Variants in ZC3H12B observed in about 807,000 individuals in gnomAD.
The protein encoded by ZC3H12B is zinc finger CCCH-type containing 12B.
Under a neutral mutation model 43.9 loss-of-function variants are expected in ZC3H12B, and 7 were observed. That is an observed-to-expected ratio of 0.16 (90% CI 0.09 to 0.30). The LOEUF is 0.30. Among genes scored for constraint, ZC3H12B ranks in the 10% least tolerant of loss-of-function variants. The probability of loss-of-function intolerance (pLI) is 1.00; values close to 1 mark genes in which losing one functional copy is unlikely to be tolerated. For missense variants in ZC3H12B, 475 were observed against 670.2 expected (o/e 0.71, Z 3.22); for synonymous variants, 222 against 241.7 (o/e 0.92, Z 0.76).
intron 2 of ZC3H12B, among the ~76,000 whole-genome samples, chrX:65,381,630 A>G (rs1348412074): frequency 8.9e-6 from 1 of 112,214 alleles, no homozygotes; most frequent in Non-Finnish European, 1.9e-5. Context: ...AAATAGAGAC[A>G]CAAAAAAACC....
chrX:65,308,486 A>G, the ZC3H12B span, among the ~76,000 whole-genome samples: 3 of 111,827 alleles, frequency 2.7e-5, no homozygotes, highest in African/African-American at 9.8e-5. Context: ...AGATTCATAA[A>G]GCAACTCCTT....
exon 5 of ZC3H12B, chrX:65,504,957 T>C (rs2068410996): frequency 8.9e-6 from 1 of 112,737 alleles, no homozygotes; most frequent in Non-Finnish European, 1.9e-5. Flanking sequence ...AAGAGTGCAC[T>C]TGCTGTTAAA....
At chrX:65,061,382 G>A in the ZC3H12B span, among the ~76,000 whole-genome samples, 1 of 111,701 alleles carries the variant, frequency 9.0e-6, no homozygotes, top group Non-Finnish European at 1.9e-5. Flanking sequence ...TATTCTCATT[G>A]TTCAACTCAA....
intron 3 of ZC3H12B, among the ~76,000 whole-genome samples, chrX:65,473,591 A>G: frequency 8.9e-6 from 1 of 111,878 alleles, no homozygotes; most frequent in Non-Finnish European, 1.9e-5. Flanking sequence ...TTCTTCATCA[A>G]TGTTTTATAA....
the ZC3H12B span, among the ~76,000 whole-genome samples, chrX:65,152,491 T>G: frequency 9.1e-6 from 1 of 109,858 alleles, no homozygotes; most frequent in Non-Finnish European, 1.9e-5. Flanking sequence ...TTATTCTCTT[T>G]GAAGAGAATA....
At chrX:65,470,449 G>A (rs1369522241) in intron 3 of ZC3H12B, 3 of 111,120 alleles carry the variant, frequency 2.7e-5, no homozygotes, top group Admixed American at 9.6e-5. Flanking sequence ...AGATTTTAGA[G>A]AGGGAGGAAA....
the ZC3H12B span, chrX:65,357,051 G>T: frequency 1.2e-5 from 7 of 581,992 alleles, no homozygotes; most frequent in Admixed American, 9.5e-5. Context: ...GCTGAGCTGG[G>T]TCTCCTTGAA....
the ZC3H12B span, among the ~76,000 whole-genome samples, chrX:65,303,189 G>T: frequency 9.1e-6 from 1 of 110,354 alleles, no homozygotes. Flanking sequence ...TTTTTTTCAA[G>T]AACTTAAAGT....
upstream of ZC3H12B, among the ~76,000 whole-genome samples, chrX:65,365,580 A>G (rs2066163617): frequency 9.0e-6 from 1 of 110,583 alleles, no homozygotes. Context: ...TTATCTCTCC[A>G]TACCATCCCC....
At chrX:65,244,465 C>T in the ZC3H12B span, among the ~76,000 whole-genome samples, 1 of 109,683 alleles carries the variant, frequency 9.1e-6, no homozygotes, top group Middle Eastern at 4.6e-3. Flanking sequence ...AAAAAAAGTG[C>T]TAGGTGTGGT....
the ZC3H12B span, among the ~76,000 whole-genome samples, chrX:65,119,516 G>C: frequency 9.0e-6 from 1 of 111,024 alleles, no homozygotes; most frequent in East Asian, 2.9e-4. Flanking sequence ...TTGTAAATTT[G>C]TTTGAGTTCA....
At chrX:65,205,733 C>G in the ZC3H12B span, among the ~76,000 whole-genome samples, 1 of 111,356 alleles carries the variant, frequency 9.0e-6, no homozygotes, top group African/African-American at 3.3e-5. Context: ...CAAACTGTCA[C>G]TGTTTGCTGG....
chrX:65,050,067 T>C, the ZC3H12B span, among the ~76,000 whole-genome samples: 3 of 111,532 alleles, frequency 2.7e-5, no homozygotes, highest in African/African-American at 6.5e-5. Flanking sequence ...AAAAGTGTGT[T>C]TTTTAATGTA....
the ZC3H12B span, among the ~76,000 whole-genome samples, chrX:65,219,809 T>TACACACACACACACACAC: frequency 3.9e-5 from 3 of 76,678 alleles, no homozygotes; most frequent in Non-Finnish European, 7.7e-5. Flanking sequence ...TACACACACA[T>TACACACACACACACACAC]ACACACACAC....
the ZC3H12B span, among the ~76,000 whole-genome samples, chrX:65,218,865 A>T: frequency 1.8e-5 from 2 of 111,855 alleles, no homozygotes; most frequent in Non-Finnish European, 1.9e-5. Flanking sequence ...GACAACCAAC[A>T]CAAAAACAGT....
At chrX:65,261,312 A>G in the ZC3H12B span, among the ~76,000 whole-genome samples, 3 of 111,870 alleles carry the variant, frequency 2.7e-5, no homozygotes, top group African/African-American at 9.7e-5. Context: ...TAAACAAGAT[A>G]ATCAGCAACG....
At chrX:65,375,295 A>T (rs1170807451) in intron 2 of ZC3H12B, among the ~76,000 whole-genome samples, 2 of 112,101 alleles carry the variant, frequency 1.8e-5, no homozygotes, top group Middle Eastern at 4.6e-3. Flanking sequence ...CCATCCCAGC[A>T]GTTGGAATTT....
At chrX:65,420,028 C>T (rs144546057) in intron 3 of ZC3H12B, among the ~76,000 whole-genome samples, 1,138 of 112,064 alleles carry the variant, frequency 0.01, 16 homozygotes, top group African/African-American at 0.035. Context: ...TCCAGGCCAG[C>T]CCCTATGGAC....
the ZC3H12B span, among the ~76,000 whole-genome samples, chrX:65,291,970 T>C: frequency 3.6e-5 from 4 of 111,792 alleles, no homozygotes. Flanking sequence ...TCTAAAGACA[T>C]AACAATCCTG....
Sources: allele counts gnomAD v4.1 joint callset (sites outside exome capture counted in the v4.1 genomes callset), GRCh38; gene constraint gnomAD v4.1.1; transcripts MANE v1.5; gene names NCBI Gene and HGNC (gene_info 2026-07-23, HGNC 2026-07-21).